PRELID2: variants seen among roughly 807,000 people sequenced by gnomAD.
The protein encoded by PRELID2 is PRELI domain containing 2.
A neutral mutation model predicts 28.4 loss-of-function variants in PRELID2; 25 were observed. The observed-to-expected ratio is 0.88, with a 90% confidence interval of 0.64 to 1.23. The LOEUF (loss-of-function observed/expected upper bound fraction) is 1.23, where lower values mean the gene tolerates loss of function less well. PRELID2 is among the 50% of genes most tolerant of loss of function. The pLI is 0.00. For synonymous variants in PRELID2, 76 were observed against 71.6 expected, an observed-to-expected ratio of 1.06 and a Z score of -0.31; for missense variants, 201 against 214.4, an observed-to-expected ratio of 0.94 and a Z score of 0.39.
the PRELID2 span, among the ~76,000 whole-genome samples, chr5:145,341,728 A>AT: frequency 2.6e-5 from 4 of 152,038 alleles, no homozygotes; most frequent in Admixed American, 2.6e-4. Context: ...AAAAAAAAAA[A>AT]GGATGAGCAA....
At chr5:145,753,221 GGCT>G (rs1757170612), downstream of PRELID2, among the ~76,000 whole-genome samples, 1 of 152,132 alleles carries the variant, frequency 6.6e-6, no homozygotes, top group African/African-American at 2.4e-5. Context: ...ACAGGATAGT[GGCT>G]GCTATTTTCT....
At chr5:145,421,341 C>T in the PRELID2 span, among the ~76,000 whole-genome samples, 11 of 149,762 alleles carry the variant, frequency 7.3e-5, no homozygotes, top group South Asian at 6.4e-4. Context: ...TGGTAGAATT[C>T]GGCTGTGAAT....
chr5:145,258,463 T>G, the PRELID2 span, among the ~76,000 whole-genome samples: 1 of 152,120 alleles, frequency 6.6e-6, no homozygotes, highest in African/African-American at 2.4e-5. Context: ...AGAAACTTAT[T>G]GGGAACAGGA....
intron 1 of PRELID2, among the ~76,000 whole-genome samples, chr5:145,693,371 C>G (rs889760715): frequency 6.6e-6 from 1 of 151,962 alleles, no homozygotes; most frequent in Non-Finnish European, 1.5e-5. Context: ...TGGTCTCAAA[C>G]TCCTGAGCTC....
the PRELID2 span, among the ~76,000 whole-genome samples, chr5:145,254,069 A>C: frequency 6.6e-6 from 1 of 152,112 alleles, no homozygotes; most frequent in Non-Finnish European, 1.5e-5. Context: ...TCGGCTGAGA[A>C]CTTGTGCATG....
chr5:145,539,058 G>A (rs1752725116), intron 1 of PRELID2, among the ~76,000 whole-genome samples: 1 of 151,832 alleles, frequency 6.6e-6, no homozygotes. Flanking sequence ...CTTCCAAGGA[G>A]TAGAAAGGCA....
chr5:145,603,283 G>C (rs375395143), intron 1 of PRELID2, among the ~76,000 whole-genome samples: 16 of 145,138 alleles, frequency 1.1e-4, no homozygotes, highest in African/African-American at 4.2e-4. Flanking sequence ...AATTAAATCA[G>C]AGCAGCTAGA....
At chr5:145,404,028 T>A in the PRELID2 span, among the ~76,000 whole-genome samples, 7 of 152,084 alleles carry the variant, frequency 4.6e-5, no homozygotes, top group African/African-American at 1.4e-4. Flanking sequence ...TACCAAACCA[T>A]CTCATTTGTA....
rs774279668 is a variant in PRELID2 at position 145,810,831 on chromosome 5, G to A, written c.368+7063C>T. Among the ~76,000 whole-genome samples the A allele has an allele frequency of 2.0e-5, 3 of 152,056 alleles. No individual in the cohort carries two copies. In the East Asian group the frequency reaches 5.8e-4, roughly 29 times the overall value. On this transcript the variant is annotated intron_variant, in intron 4 of 6. Transcript: ENST00000683046. ...CTCCCATCATACAGATGAAGAAACCGAGGAGTAGAGAAGTGACACAAATTG... is the reference window on the plus strand; with the variant it reads ...CTCCCATCATACAGATGAAGAAACCAAGGAGTAGAGAAGTGACACAAATTG...
chr5:145,323,202 A>G, the PRELID2 span, among the ~76,000 whole-genome samples: 9 of 151,726 alleles, frequency 5.9e-5, no homozygotes, highest in African/African-American at 2.2e-4. Flanking sequence ...ATATGTGCAA[A>G]GGGCTTTAAA....
the PRELID2 span, among the ~76,000 whole-genome samples, chr5:145,449,637 A>C: frequency 2.5e-3 from 377 of 151,988 alleles, 3 homozygotes; most frequent in Non-Finnish European, 4.3e-3. Flanking sequence ...TGAGGCTGGG[A>C]CCTTTGCCAG....
At chr5:145,269,147 C>T in the PRELID2 span, among the ~76,000 whole-genome samples, 2 of 152,012 alleles carry the variant, frequency 1.3e-5, no homozygotes, top group Admixed American at 6.6e-5. Flanking sequence ...AAAATCCTGA[C>T]AATTTTTTAT....
chr5:145,588,728 G>C (rs10036555), intron 1 of PRELID2, among the ~76,000 whole-genome samples: 27,402 of 151,812 alleles, frequency 0.18, 4,160 homozygotes, highest in African/African-American at 0.41. Flanking sequence ...AATCTGAGAC[G>C]CCTGGATTCT....
intron 1 of PRELID2, among the ~76,000 whole-genome samples, chr5:145,833,414 T>C (rs1297602102): frequency 6.6e-6 from 1 of 152,198 alleles, no homozygotes; most frequent in Non-Finnish European, 1.5e-5. Flanking sequence ...GACTCCAAAG[T>C]GCCAGTTCTA....
chr5:145,229,108 C>T, the PRELID2 span: 2 of 1,453,626 alleles, frequency 1.4e-6, no homozygotes, highest in Middle Eastern at 2.4e-4. Flanking sequence ...CCCTGCATCG[C>T]CCACAAAAAA....
chr5:145,820,292 T>C (rs1754688208), intron 2 of PRELID2, among the ~76,000 whole-genome samples: 1 of 152,076 alleles, frequency 6.6e-6, no homozygotes, highest in East Asian at 1.9e-4. Context: ...AATGTTTAAC[T>C]CAAAATTCAG....
intron 1 of PRELID2, among the ~76,000 whole-genome samples, chr5:145,671,183 G>A (rs891763084): frequency 1.3e-5 from 2 of 152,096 alleles, no homozygotes; most frequent in African/African-American, 4.8e-5. Flanking sequence ...TAAAATGATG[G>A]AATGAATTAA....
At chr5:145,315,172 C>A in the PRELID2 span, among the ~76,000 whole-genome samples, 1 of 149,630 alleles carries the variant, frequency 6.7e-6, no homozygotes, top group Admixed American at 6.8e-5. Flanking sequence ...CGGGCTCAAG[C>A]GATTCTCCTG....
chr5:145,276,780 A>G, the PRELID2 span, among the ~76,000 whole-genome samples: 19 of 152,314 alleles, frequency 1.2e-4, no homozygotes, highest in African/African-American at 4.6e-4. Flanking sequence ...GTTGAATGCA[A>G]TGATAGAACT....
Sources: gnomAD v4.1 joint callset for allele counts (sites outside exome capture counted in the v4.1 genomes callset) on GRCh38, gnomAD v4.1.1 for gene constraint, MANE v1.5 for transcripts, NCBI Gene and HGNC (gene_info 2026-07-23, HGNC 2026-07-21) for gene names.